GATB: variants seen among roughly 807,000 people sequenced by gnomAD.
The protein encoded by GATB is glutamyl-tRNA amidotransferase subunit B.
A neutral mutation model predicts 62.3 loss-of-function variants in GATB; 39 were observed. The ratio of observed to expected loss-of-function variants is 0.63; its 90% CI spans 0.48 to 0.82. GATB has a LOEUF of 0.82. Ranked by LOEUF, GATB falls within the 40% of genes least tolerant of loss-of-function variation. The pLI is 0.00. For synonymous variants in GATB, 276 were observed against 258.9 expected (o/e 1.07, Z -0.63); for missense variants, 670 against 684.0 (o/e 0.98, Z 0.23).
At chr4:151,760,770 C>G (rs768453620) in intron 1 of GATB, 37 bp downstream of exon 1, 1 of 1,518,828 alleles carries the variant, frequency 6.6e-7, no homozygotes, top group Non-Finnish European at 8.9e-7. Flanking sequence ...AGTTCCACCT[C>G]ACAGTTAGGT....
At chr4:151,737,618 C>T (rs1028223561) in intron 2 of GATB, among the ~76,000 whole-genome samples, 1 of 152,192 alleles carries the variant, frequency 6.6e-6, no homozygotes, top group Non-Finnish European at 1.5e-5. Flanking sequence ...CAGGGCACAT[C>T]AGAGGTCTTC....
chr4:151,742,769 A>C (rs761237718), intron 2 of GATB, among the ~76,000 whole-genome samples: 21 of 152,182 alleles, frequency 1.4e-4, no homozygotes, highest in Admixed American at 7.9e-4. Context: ...CCACAAATAA[A>C]GCCCTGTCAG....
chr4:151,679,297 C>T (rs1738082611), intron 11 of GATB, among the ~76,000 whole-genome samples: 1 of 152,210 alleles, frequency 6.6e-6, no homozygotes, highest in Non-Finnish European at 1.5e-5. Context: ...TAGGATGATG[C>T]TATTTTTCTG....
chr4:151,708,331 A>T (rs1417370229), intron 5 of GATB, among the ~76,000 whole-genome samples: 1 of 152,212 alleles, frequency 6.6e-6, no homozygotes, highest in Non-Finnish European at 1.5e-5. Context: ...TGTACATGTG[A>T]ACATATACAG....
chr4:151,709,538 T>C (rs557185848), intron 5 of GATB, among the ~76,000 whole-genome samples: 42 of 152,296 alleles, frequency 2.8e-4, no homozygotes, highest in African/African-American at 9.9e-4. Flanking sequence ...CATCTTCTAC[T>C]TCTCTGTTTT....
At chr4:151,726,448 C>T (rs1283924545) in intron 2 of GATB, among the ~76,000 whole-genome samples, 1 of 152,164 alleles carries the variant, frequency 6.6e-6, no homozygotes, top group Non-Finnish European at 1.5e-5. Context: ...TTTTACCATC[C>T]AAAGGTACTC....
intron 11 of GATB, among the ~76,000 whole-genome samples, chr4:151,678,554 G>A (rs1252713314): frequency 6.6e-6 from 1 of 152,030 alleles, no homozygotes; most frequent in Non-Finnish European, 1.5e-5. Flanking sequence ...CTGACATCCA[G>A]ACAAGCAAGA....
chr4:151,684,426 C>T (rs191833072), intron 10 of GATB, among the ~76,000 whole-genome samples: 1 of 152,382 alleles, frequency 6.6e-6, no homozygotes, highest in East Asian at 1.9e-4. Flanking sequence ...ACCCTTCAAA[C>T]ATCAGTCTTC....
intron 2 of GATB, among the ~76,000 whole-genome samples, chr4:151,736,938 T>G (rs1739388005): frequency 6.6e-6 from 1 of 152,216 alleles, no homozygotes; most frequent in African/African-American, 2.4e-5. Context: ...CAGGTGGAAC[T>G]GTAAGTCCAA....
In GATB at chr4:151,719,152, C is replaced by T. The variant is rs190744370; in HGVS notation, c.441+273G>A. Among the ~76,000 whole-genome samples the T allele has an allele frequency of 4.4e-4, 67 of 152,342 alleles. 1 individual carries two copies. The highest frequency in any genetic ancestry group is 1.4e-3 in the Admixed American group (21 of 15,310). On this transcript the variant is annotated intron_variant, in intron 3 of 12. Transcript: ENST00000263985. ...AAATACCACGGCCAGGCTGAGCCTG[C>T]AAACACTGGCTTCTACTCCCTGTGC... is the stretch of plus-strand genomic sequence containing the variant.
chr4:151,750,407 C>T (rs1301652129), intron 2 of GATB, among the ~76,000 whole-genome samples: 1 of 151,986 alleles, frequency 6.6e-6, no homozygotes, highest in African/African-American at 2.4e-5. Flanking sequence ...GGCCAAGGCT[C>T]CTGGCCATTT....
rs1182487044 is a variant in GATB at position 151,760,988 on chromosome 4, C to T, written c.-6G>A. ...CGCAGCATGGGCGCCGCCATTGTAA[C>T]TCCAGGGTCTTGGTCAGGTGACTCA... On this transcript the variant is annotated 5_prime_UTR_variant, in exon 1 of 13. Coordinates refer to ENST00000263985, the MANE Select transcript of GATB (RefSeq NM_004564.3). The T allele has an allele frequency of 6.2e-7, 1 of 1,608,750 alleles. No homozygotes were observed. The highest frequency in any genetic ancestry group is 8.5e-7 in the Non-Finnish European group (1 of 1,178,172).
chr4:151,672,185 G>A (rs751947181), intron 12 of GATB, among the ~76,000 whole-genome samples: 1 of 152,196 alleles, frequency 6.6e-6, no homozygotes. Flanking sequence ...GACTTGGGGA[G>A]GGAGGGATGC....
chr4:151,716,710 G>A (rs1455536415), intron 4 of GATB, among the ~76,000 whole-genome samples, 166 bp downstream of exon 4: 2 of 152,134 alleles, frequency 1.3e-5, no homozygotes, highest in African/African-American at 2.4e-5. Context: ...AGCCATGTTC[G>A]CTAGTCAGCT....
intron 5 of GATB, among the ~76,000 whole-genome samples, chr4:151,714,268 C>T (rs1248263091): frequency 6.6e-6 from 1 of 152,220 alleles, no homozygotes; most frequent in Admixed American, 6.5e-5. Flanking sequence ...TGGGTGTCCA[C>T]TAGTCTTCAG....
chr4:151,714,047 C>T (rs1021325503), intron 5 of GATB, among the ~76,000 whole-genome samples: 1 of 152,178 alleles, frequency 6.6e-6, no homozygotes, highest in Admixed American at 6.5e-5. Context: ...ATATTATTAT[C>T]GTTGAAACAC....
At chr4:151,733,799 GCAATT>G (rs1739316022) in intron 2 of GATB, among the ~76,000 whole-genome samples, 1 of 152,238 alleles carries the variant, frequency 6.6e-6, no homozygotes, top group South Asian at 2.1e-4. Flanking sequence ...TTTAACATAT[GCAATT>G]CAATAAATGG....
chr4:151,734,330 ACCC>A (rs1210691004), intron 2 of GATB, among the ~76,000 whole-genome samples: 6 of 143,998 alleles, frequency 4.2e-5, no homozygotes, highest in Non-Finnish European at 7.5e-5. Context: ...CAAGAACTCA[ACCC>A]CTTTTAAAAT....
At chr4:151,719,851 A>G (rs932228200) in intron 2 of GATB, 1 of 248,102 alleles carries the variant, frequency 4.0e-6, no homozygotes, top group African/African-American at 2.3e-5. Context: ...CGGAGTGGTT[A>G]CTACATAGAA....
Sources: gnomAD v4.1 joint callset for allele counts (sites outside exome capture counted in the v4.1 genomes callset) on GRCh38, gnomAD v4.1.1 for gene constraint, MANE v1.5 for transcripts, NCBI Gene and HGNC (gene_info 2026-07-23, HGNC 2026-07-21) for gene names.